C12orf42: variants seen among roughly 807,000 people sequenced by gnomAD.
C12orf42 encodes chromosome 12 open reading frame 42.
A neutral mutation model predicts 21.6 loss-of-function variants in C12orf42; 25 were observed. The ratio of observed to expected loss-of-function variants is 1.16; its 90% CI spans 0.84 to 1.62. C12orf42 has a LOEUF of 1.62. Ranked by LOEUF, C12orf42 falls within the 40% of genes most tolerant of loss-of-function variation. The probability of loss-of-function intolerance (pLI) is 0.00; values close to 1 mark genes in which losing one functional copy is unlikely to be tolerated. For missense variants in C12orf42, 483 were observed against 459.3 expected (o/e 1.05, Z -0.47); for synonymous variants, 174 against 175.0 (o/e 0.99, Z 0.05).
intron 3 of C12orf42, among the ~76,000 whole-genome samples, chr12:103,384,377 C>T (rs2046435087): frequency 6.6e-6 from 1 of 152,172 alleles, no homozygotes; most frequent in Admixed American, 6.5e-5. Context: ...CAACACAATT[C>T]AAGTGGTTTG....
chr12:103,455,150 T>A (rs1952203461), intron 2 of C12orf42, among the ~76,000 whole-genome samples: 1 of 152,144 alleles, frequency 6.6e-6, no homozygotes, highest in African/African-American at 2.4e-5. Context: ...TTTCTCAACT[T>A]TAGAGCCTTC....
At chr12:103,446,804 A>G (rs1325568335) in intron 2 of C12orf42, among the ~76,000 whole-genome samples, 1 of 152,006 alleles carries the variant, frequency 6.6e-6, no homozygotes, top group African/African-American at 2.4e-5. Flanking sequence ...GTCCAACAGG[A>G]AAATATCACA....
At chr12:103,293,002 T>C (rs563666117) in intron 4 of C12orf42, among the ~76,000 whole-genome samples, 2 of 152,088 alleles carry the variant, frequency 1.3e-5, no homozygotes, top group Admixed American at 6.6e-5. Flanking sequence ...ATAGAATTCA[T>C]TGAAGTGAAT....
At chr12:103,110,689 A>G in the C12orf42 span, among the ~76,000 whole-genome samples, 14 of 152,368 alleles carry the variant, frequency 9.2e-5, no homozygotes, top group East Asian at 2.5e-3. Flanking sequence ...CCAAATCTTT[A>G]TGAGTTATAA....
chr12:103,549,854 A>G, the C12orf42 span, among the ~76,000 whole-genome samples: 3 of 152,228 alleles, frequency 2.0e-5, no homozygotes, highest in Non-Finnish European at 4.4e-5. Context: ...ATGGCTGACG[A>G]GGCCCTAACA....
chr12:103,058,382 T>C, the C12orf42 span, among the ~76,000 whole-genome samples: 3 of 152,220 alleles, frequency 2.0e-5, no homozygotes, highest in Non-Finnish European at 4.4e-5. Flanking sequence ...TAGACCTATG[T>C]CAGATGGATA....
At chr12:103,133,247 A>G in the C12orf42 span, among the ~76,000 whole-genome samples, 2 of 151,874 alleles carry the variant, frequency 1.3e-5, no homozygotes, top group African/African-American at 2.4e-5. Flanking sequence ...CACTTCTAAC[A>G]CCAACATTTG....
chr12:103,386,676 G>A (rs1164027751), intron 3 of C12orf42, among the ~76,000 whole-genome samples: 9 of 152,186 alleles, frequency 5.9e-5, no homozygotes, highest in Non-Finnish European at 1.3e-4. Flanking sequence ...TGCAACATAG[G>A]ATTGCTCTAA....
At chr12:103,494,631 C>T (rs1448803183) in intron 1 of C12orf42, among the ~76,000 whole-genome samples, 3 of 152,124 alleles carry the variant, frequency 2.0e-5, no homozygotes, top group African/African-American at 7.2e-5. Context: ...AAAGACACCA[C>T]GGCAGTGTCT....
At chr12:103,316,280 A>T (rs769483888) in intron 4 of C12orf42, among the ~76,000 whole-genome samples, 100 of 152,156 alleles carry the variant, frequency 6.6e-4, no homozygotes, top group Admixed American at 3.0e-3. Context: ...TCATGAGAGC[A>T]AGAAAATAGT....
At chr12:103,122,074 T>G in the C12orf42 span, among the ~76,000 whole-genome samples, 2 of 152,182 alleles carry the variant, frequency 1.3e-5, no homozygotes, top group Non-Finnish European at 2.9e-5. Flanking sequence ...AGTATTTAGA[T>G]GGTAATAGAC....
At chr12:103,471,333 T>C (rs1953586485) in intron 2 of C12orf42, among the ~76,000 whole-genome samples, 1 of 152,248 alleles carries the variant, frequency 6.6e-6, no homozygotes, top group Admixed American at 6.5e-5. Flanking sequence ...TGAGATGTTT[T>C]CTCTGCTCTG....
rs751997641 is a variant in C12orf42 at position 103,358,032 on chromosome 12, A to T, written c.259+10855T>A. 7.4e-4 allele frequency among the ~76,000 whole-genome samples: 112 copies of T among 152,078 alleles called. 3 individuals are homozygous for T. Among genetic ancestry groups the T allele is most frequent in the Non-Finnish European group, 1.2e-4 (8 of 67,994 alleles). On this transcript the variant is annotated intron_variant, in intron 4 of 5. Coordinates refer to ENST00000548883, the MANE Select transcript of C12orf42 (RefSeq NM_198521.5). Reference sequence around the variant, plus strand: ...TAAAAATTGGTAGACTGGTTGGTACAGTAGGGGCTTCACTCACATGTCTGC... The same window carrying T: ...TAAAAATTGGTAGACTGGTTGGTACTGTAGGGGCTTCACTCACATGTCTGC...
At chr12:103,480,838 A>G (rs2138056163) in intron 1 of C12orf42, among the ~76,000 whole-genome samples, 1 of 151,758 alleles carries the variant, frequency 6.6e-6, no homozygotes, top group African/African-American at 2.4e-5. Context: ...AATATTTCAT[A>G]TGTGCTTAGA....
intron 10 of C12orf42, among the ~76,000 whole-genome samples, chr12:103,247,619 T>C (rs928365447): frequency 2.6e-5 from 4 of 151,932 alleles, no homozygotes; most frequent in Non-Finnish European, 5.9e-5. Flanking sequence ...CCCCAATTCT[T>C]CTTTTCCTTT....
At chr12:103,126,671 A>C in the C12orf42 span, among the ~76,000 whole-genome samples, 12 of 152,198 alleles carry the variant, frequency 7.9e-5, no homozygotes, top group Non-Finnish European at 1.6e-4. Context: ...AACTAAAAAA[A>C]AAAAAAGGAG....
At chr12:103,234,612 A>G (rs2033412670), downstream of C12orf42, among the ~76,000 whole-genome samples, 1 of 152,072 alleles carries the variant, frequency 6.6e-6, no homozygotes, top group South Asian at 2.1e-4. Flanking sequence ...ACTTTCTTGG[A>G]CTTTTTTCCA....
intron 2 of C12orf42, among the ~76,000 whole-genome samples, chr12:103,443,627 A>T (rs1951403894): frequency 6.6e-6 from 1 of 152,120 alleles, no homozygotes; most frequent in Non-Finnish European, 1.5e-5. Flanking sequence ...AAAAATTAAA[A>T]ATTCTCTGCA....
At chr12:103,203,953 G>T in the C12orf42 span, among the ~76,000 whole-genome samples, 2 of 152,172 alleles carry the variant, frequency 1.3e-5, no homozygotes, top group Non-Finnish European at 2.9e-5. Context: ...GAAAAGCCCA[G>T]CCCCAGGACC....
Sources: allele counts gnomAD v4.1 joint callset (sites outside exome capture counted in the v4.1 genomes callset), GRCh38; gene constraint gnomAD v4.1.1; transcripts MANE v1.5; gene names NCBI Gene and HGNC (gene_info 2026-07-23, HGNC 2026-07-21).